Variants in MS4A18 observed in about 807,000 individuals in gnomAD.
MS4A18 encodes the protein membrane spanning 4-domains A18.
Under a neutral mutation model 13.1 loss-of-function variants are expected in MS4A18, and 27 were observed. The observed-to-expected ratio is 2.06, with a 90% CI of 1.52 to 2.84. MS4A18 has a LOEUF of 2.84. Ranked by LOEUF, MS4A18 falls within the 30% of genes most tolerant of loss-of-function variation. The pLI is 0.00. For missense variants in MS4A18, 307 were observed against 196.4 expected, an observed-to-expected ratio of 1.56 and a Z score of -3.37; for synonymous variants, 126 against 76.5, an observed-to-expected ratio of 1.65 and a Z score of -3.38.
chr11:60,737,996 G>T (rs1373219119), intron 3 of MS4A18, among the ~76,000 whole-genome samples: 3 of 152,192 alleles, frequency 2.0e-5, no homozygotes, highest in Non-Finnish European at 4.4e-5. Flanking sequence ...ATATCCCCTG[G>T]GAAGTCAAAT....
upstream of MS4A18, among the ~76,000 whole-genome samples, chr11:60,727,305 C>G (rs1433114168): frequency 6.6e-6 from 1 of 152,156 alleles, no homozygotes; most frequent in Non-Finnish European, 1.5e-5. Context: ...ATCTTCAAAA[C>G]ACCCTTTGGA....
rs1853406515 is a variant in MS4A18 at position 60,741,027 on chromosome 11, T to C, written c.745-3T>C. On this transcript the variant is annotated splice_region_variant and splice_polypyrimidine_tract_variant and intron_variant, in intron 4 of 5. Transcript: ENST00000529108. ...AATGCCTTCCATTTCTCTTTGCCTT[T>C]AGACATATTCAAAGGCGGTTTCTGG... The C allele has an allele frequency of 1.4e-6, 1 of 703,030 alleles. No individual in the cohort carries two copies. The highest frequency in any genetic ancestry group is 2.6e-6 in the Non-Finnish European group (1 of 384,988). The allele number at this position is 703,030 out of a possible 1,614,324, so 43.5% of individuals were successfully genotyped here. A position where few individuals can be genotyped will look rare whatever the true frequency, so the allele number is the denominator to read the frequency against.
At chr11:60,735,335 CTTTTT>C (rs71043724) in intron 2 of MS4A18, among the ~76,000 whole-genome samples, 2 of 121,638 alleles carry the variant, frequency 1.6e-5, no homozygotes. Flanking sequence ...TAATGTTTTT[CTTTTT>C]TTTTTTTTTT....
intron 3 of MS4A18, among the ~76,000 whole-genome samples, chr11:60,738,237 T>A (rs1853369582): frequency 6.6e-6 from 1 of 152,164 alleles, no homozygotes; most frequent in Admixed American, 6.5e-5. Flanking sequence ...AATGAATAAT[T>A]CGAGGACTTC....
exon 6 of MS4A18, chr11:60,743,969 C>A: frequency 1.4e-6 from 1 of 702,856 alleles, no homozygotes; most frequent in Non-Finnish European, 2.6e-6. Context: ...AGCAATGTAC[C>A]CCCGAACCCT....
intron 1 of MS4A18, among the ~76,000 whole-genome samples, chr11:60,730,670 G>A (rs1428316237): frequency 6.6e-6 from 1 of 152,182 alleles, no homozygotes; most frequent in African/African-American, 2.4e-5. Flanking sequence ...GGTGCAGGAA[G>A]GGGACCCATT....
upstream of MS4A18, among the ~76,000 whole-genome samples, chr11:60,728,980 G>A (rs1183714311): frequency 1.3e-5 from 2 of 152,172 alleles, no homozygotes; most frequent in Non-Finnish European, 2.9e-5. Flanking sequence ...GGCAAGATGG[G>A]GAGGTAGCCT....
chr11:60,728,198 G>T (rs917225629), upstream of MS4A18, among the ~76,000 whole-genome samples: 1 of 152,168 alleles, frequency 6.6e-6, no homozygotes, highest in African/African-American at 2.4e-5. Context: ...CAAGAAGCCT[G>T]GGAAAGACAG....
upstream of MS4A18, among the ~76,000 whole-genome samples, chr11:60,728,747 C>T (rs1853205015): frequency 6.6e-6 from 1 of 151,626 alleles, no homozygotes; most frequent in Non-Finnish European, 1.5e-5. Context: ...CTTCTTTTAT[C>T]TCTCCCTCCC....
exon 1 of MS4A18, chr11:60,729,526 G>C (rs891103400): frequency 2.8e-6 from 2 of 702,710 alleles, no homozygotes; most frequent in African/African-American, 3.5e-5. Flanking sequence ...GAACTCAGCA[G>C]CAGGTGTACA....
At chr11:60,727,461 G>T (rs917711553), upstream of MS4A18, among the ~76,000 whole-genome samples, 2 of 152,148 alleles carry the variant, frequency 1.3e-5, no homozygotes, top group African/African-American at 4.8e-5. Context: ...TCTTGCTTTC[G>T]AGTTTACTTT....
intron 2 of MS4A18, among the ~76,000 whole-genome samples, chr11:60,735,749 T>C (rs1853330088): frequency 7.0e-6 from 1 of 142,614 alleles, no homozygotes; most frequent in African/African-American, 2.6e-5. Flanking sequence ...CTTCAACCTC[T>C]GCCTCCTAGG....
chr11:60,738,645 C>A (rs1416387368), intron 3 of MS4A18, among the ~76,000 whole-genome samples: 1 of 151,888 alleles, frequency 6.6e-6, no homozygotes, highest in Non-Finnish European at 1.5e-5. Context: ...ATAATCTCTA[C>A]AACAAACCCC....
At chr11:60,729,211 T>A, upstream of MS4A18, 1 of 621,662 alleles carries the variant, frequency 1.6e-6, no homozygotes, top group Non-Finnish European at 2.9e-6. Context: ...TGATTCTTAT[T>A]TTAATGAAGA....
upstream of MS4A18, among the ~76,000 whole-genome samples, chr11:60,727,204 G>A (rs1329374761): frequency 6.6e-6 from 1 of 152,108 alleles, no homozygotes; most frequent in African/African-American, 2.4e-5. Context: ...CTAAACAATG[G>A]CCCTTCTCTT....
chr11:60,728,922 T>C (rs975415786), upstream of MS4A18, among the ~76,000 whole-genome samples: 2 of 152,136 alleles, frequency 1.3e-5, no homozygotes, highest in African/African-American at 4.8e-5. Context: ...CCAGAGCATT[T>C]GGGGTCAGTT....
chr11:60,736,645 C>T (rs1476130195), intron 2 of MS4A18, among the ~76,000 whole-genome samples: 1 of 151,932 alleles, frequency 6.6e-6, no homozygotes, highest in Admixed American at 6.6e-5. Flanking sequence ...TGCATTTTGG[C>T]GATGATATGT....
In MS4A18 at chr11:60,734,784, CTT is replaced by C. The variant is rs546950110; in HGVS notation, c.591+1151_591+1152del. ...TATGAATTTTCTTTTCTTTTCTTTT[CTT>C]TTTTTTTTTTTTTGAGGTGGAGTCT... On this transcript the variant is annotated intron_variant, in intron 2 of 5. Transcript: ENST00000529108. 5.8e-4 allele frequency among the ~76,000 whole-genome samples: 80 copies of C among 138,740 alleles called. 1 individual carries two copies. The East Asian group carries it at 0.012, about 20-fold the overall frequency. 91.0% of individuals were successfully genotyped at this position (138,740 alleles called of 152,430 possible).
downstream of MS4A18, among the ~76,000 whole-genome samples, chr11:60,744,690 A>G (rs1446455634): frequency 3.3e-5 from 5 of 152,244 alleles, no homozygotes; most frequent in African/African-American, 1.2e-4. Context: ...ATCTAATCAC[A>G]AAATGGACAA....
Sources: gnomAD v4.1 joint callset for allele counts (sites outside exome capture counted in the v4.1 genomes callset) on GRCh38, gnomAD v4.1.1 for gene constraint, MANE v1.5 for transcripts, NCBI Gene and HGNC (gene_info 2026-07-23, HGNC 2026-07-21) for gene names.